The following TOR1AIP2 variants were observed in gnomAD, a reference collection of about 807,000 sequenced individuals.
The protein encoded by TOR1AIP2 is torsin-1A-interacting protein 2.
TOR1AIP2 carries 20 observed loss-of-function variants against 32.6 expected under a neutral mutation model. The ratio of observed to expected loss-of-function variants is 0.61; its 90% confidence interval spans 0.43 to 0.89. The LOEUF is 0.89. Ranked by LOEUF, TOR1AIP2 falls within the 40% of genes least tolerant of loss-of-function variation. The probability of loss-of-function intolerance (pLI) is 0.00; values close to 1 mark genes in which losing one functional copy is unlikely to be tolerated. For synonymous variants in TOR1AIP2, 214 were observed against 210.8 expected (o/e 1.02, Z -0.13); for missense variants, 456 against 553.8 (o/e 0.82, Z 1.77).
intron 3 of TOR1AIP2, chr1:179,862,523 T>C (rs1696583355): frequency 1.0e-6 from 1 of 985,306 alleles, no homozygotes; most frequent in Admixed American, 6.1e-5. Flanking sequence ...ACAGGGTGCA[T>C]CTCTGGGGTA....
chr1:179,860,176 T>A (rs866716838), intron 3 of TOR1AIP2: 1 of 985,276 alleles, frequency 1.0e-6, no homozygotes, highest in Admixed American at 6.2e-5. Flanking sequence ...GTTCAAACAA[T>A]TGGCTTAGTT....
intron 3 of TOR1AIP2, chr1:179,864,591 G>C (rs1696690347): frequency 7.5e-7 from 1 of 1,327,138 alleles, no homozygotes; most frequent in Admixed American, 3.5e-5. Context: ...TAGATGAACA[G>C]GCTGGCTGGA....
chr1:179,875,751 T>C (rs1242004085), intron 2 of TOR1AIP2: 1 of 151,970 alleles, frequency 6.6e-6, no homozygotes, highest in African/African-American at 2.4e-5. Context: ...CTTTAAATAT[T>C]AGTAAAGAGG....
chr1:179,862,869 A>C (rs1363208498), intron 3 of TOR1AIP2: 1 of 152,774 alleles, frequency 6.5e-6, no homozygotes. Context: ...TGGAGGTTAC[A>C]GTAAGCCGAG....
chr1:179,851,100 C>T lies in TOR1AIP2; in HGVS notation c.298G>A (p.Gly100Arg). ...NKQSFLDGGK[G>R]HHLPSENLGK... ...AGATTTTCTGAAGGGAGGTGATGCC[C>T]TTTTCCGCCATCCAGAAAACTCTGC... The change falls in exon 5 of 7, where the codon GGG becomes AGG. Residue 100 changes from glycine to arginine, a missense_variant. Transcript: ENST00000609928. 1.9e-6 allele frequency: 3 copies of T among 1,614,206 alleles called. No homozygotes were observed. Among genetic ancestry groups the T allele is most frequent in the Non-Finnish European group, 1.7e-6 (2 of 1,180,046 alleles).
At chr1:179,876,571 A>G (rs886121703) in intron 2 of TOR1AIP2, among the ~76,000 whole-genome samples, 1 of 152,206 alleles carries the variant, frequency 6.6e-6, no homozygotes, top group Non-Finnish European at 1.5e-5. Flanking sequence ...AAACATCTGT[A>G]GTTACTCTAC....
intron 3 of TOR1AIP2, chr1:179,864,265 T>TTATC (rs774673187): frequency 1.0e-6 from 1 of 985,328 alleles, no homozygotes; most frequent in Non-Finnish European, 1.2e-6. Context: ...AGAGCAAATT[T>TTATC]TATCTATCTA....
chr1:179,863,695 A>C, intron 3 of TOR1AIP2: 1 of 984,676 alleles, frequency 1.0e-6, no homozygotes, highest in Non-Finnish European at 1.2e-6. Flanking sequence ...AAAAAAAAAA[A>C]AAAGAGGATC....
chr1:179,859,208 T>C (rs1355923085), intron 3 of TOR1AIP2: 2 of 975,532 alleles, frequency 2.1e-6, no homozygotes, highest in East Asian at 2.3e-4. Context: ...CTACTATTTA[T>C]TGAGTGCCTT....
chr1:179,854,728 G>A (rs1307286577), intron 3 of TOR1AIP2, among the ~76,000 whole-genome samples: 3 of 152,028 alleles, frequency 2.0e-5, no homozygotes, highest in Non-Finnish European at 2.9e-5. Context: ...AAAATTAGCC[G>A]GGCATGGTGG....
chr1:179,875,335 A>T (rs569101250), intron 2 of TOR1AIP2: 6 of 152,312 alleles, frequency 3.9e-5, no homozygotes, highest in African/African-American at 1.4e-4. Flanking sequence ...TTTCTTAATT[A>T]CAAAATGGAA....
intron 3 of TOR1AIP2, among the ~76,000 whole-genome samples, chr1:179,858,339 T>G (rs1696386104): frequency 6.6e-6 from 1 of 151,970 alleles, no homozygotes; most frequent in Non-Finnish European, 1.5e-5. Context: ...AAAACATAAA[T>G]ACATAAATGG....
At chr1:179,863,796 G>C in intron 3 of TOR1AIP2, 1 of 984,894 alleles carries the variant, frequency 1.0e-6, no homozygotes. Context: ...GGCATGTTAA[G>C]TGTAATTTAA....
chr1:179,859,372 C>T, intron 3 of TOR1AIP2: 2 of 977,006 alleles, frequency 2.0e-6, no homozygotes, highest in Non-Finnish European at 2.4e-6. Context: ...CACGTGACTA[C>T]TGAGGGCAGT....
At chr1:179,861,866 G>T (rs183026871) in intron 3 of TOR1AIP2, 36 of 919,520 alleles carry the variant, frequency 3.9e-5, no homozygotes, top group Non-Finnish European at 4.4e-5. Flanking sequence ...CTTTTATGTT[G>T]TTTTTTTTTC....
intron 3 of TOR1AIP2, chr1:179,860,487 A>G: frequency 1.0e-6 from 1 of 985,386 alleles, no homozygotes. Context: ...GTCTCAAAAA[A>G]ACAAAACAAA....
At chr1:179,860,453 G>C in intron 3 of TOR1AIP2, 1 of 984,818 alleles carries the variant, frequency 1.0e-6, no homozygotes, top group Non-Finnish European at 1.2e-6. Flanking sequence ...CTGCACTCCA[G>C]CCTAGGTGAC....
chr1:179,859,590 C>G, intron 3 of TOR1AIP2: 1 of 985,402 alleles, frequency 1.0e-6, no homozygotes, highest in Non-Finnish European at 1.2e-6. Context: ...ACTACCACTT[C>G]AGGAATTTGT....
At chr1:179,859,225 G>A (rs1027906641) in intron 3 of TOR1AIP2, 1 of 946,822 alleles carries the variant, frequency 1.1e-6, no homozygotes, top group Non-Finnish European at 1.3e-6. Context: ...CCTTCTTTGT[G>A]CCAGGCATCA....
Sources: gnomAD v4.1 joint callset for allele counts (sites outside exome capture counted in the v4.1 genomes callset) on GRCh38, gnomAD v4.1.1 for gene constraint, MANE v1.5 for transcripts, NCBI Gene and HGNC (gene_info 2026-07-23, HGNC 2026-07-21) for gene names.